PTPRS: variants seen among roughly 807,000 people sequenced by gnomAD.
The protein encoded by PTPRS is protein tyrosine phosphatase receptor type S.
A neutral mutation model predicts 215.3 loss-of-function variants in PTPRS; 63 were observed. The observed-to-expected ratio is 0.29, with a 90% CI of 0.24 to 0.36. The LOEUF (loss-of-function observed/expected upper bound fraction) is 0.36. PTPRS is among the 10% of genes least tolerant of loss of function. The pLI is 1.00. For missense variants in PTPRS, 2,258 were observed against 2,825.8 expected, an observed-to-expected ratio of 0.80 and a Z score of 4.56; for synonymous variants, 1,404 against 1,191.4, an observed-to-expected ratio of 1.18 and a Z score of -3.68.
Position 5,211,716 on chromosome 19 carries a change from G to A in PTPRS, c.5108C>T (p.Pro1703Leu). Residue 1703 changes from proline to leucine, a missense_variant, in exon 33 of 38, where the codon CCT (proline) becomes CTT (leucine). Physicochemically the swap from Pro to Leu is moderately conservative, Grantham distance 98 (BLOSUM62 -3). Coordinates refer to ENST00000262963, the MANE Select transcript of PTPRS (RefSeq NM_002850.4). ...HTSRFISANL[P>L]CNKFKNRLVN... ...CAGGCGGTTCTTGAACTTGTTACAA[G>A]GCAGATTGGCACTGATGAAGCGTGA... The A allele has an allele frequency of 1.9e-6, 3 of 1,614,148 alleles. No individual in the cohort carries two copies. Among genetic ancestry groups the A allele is most frequent in the Non-Finnish European group, 2.5e-6 (3 of 1,180,020 alleles).
intron 9 of PTPRS, among the ~76,000 whole-genome samples, chr19:5,250,003 T>C (rs886697222): frequency 5.9e-5 from 9 of 152,226 alleles, no homozygotes; most frequent in Non-Finnish European, 1.3e-4. Context: ...CTGTTGAATA[T>C]GTAAAAGACT....
At chr19:5,274,071 A>G in intron 3 of PTPRS, 128 bp downstream of exon 3, 1 of 1,331,836 alleles carries the variant, frequency 7.5e-7, no homozygotes, top group Admixed American at 2.4e-5. Flanking sequence ...CTGCGCAGCC[A>G]TGCTTGCTTG....
At position 5,229,268 on chromosome 19, in the gene PTPRS, C is replaced by A. The variant is rs770203843; in HGVS notation, c.2376+48G>T. 11 of 1,364,250 alleles carry A rather than the reference C, an allele frequency of 8.1e-6. No homozygotes were observed. In the African/African-American group the frequency reaches 1.5e-4, roughly 19 times the overall value. The allele number at this position is 1,364,250 out of a possible 1,614,324, so 84.5% of individuals were successfully genotyped here. On this transcript the variant is annotated intron_variant, in intron 16 of 37. Coordinates refer to ENST00000262963, the MANE Select transcript of PTPRS (RefSeq NM_002850.4). ...TGCAGGAGTCACAGCACAGCACGGC[C>A]CGCGGGAAGCGCACAGCAGTAGGTG...
In PTPRS at chr19:5,206,975, C is replaced by A. The variant is rs1011413006; in HGVS notation, c.5779-133G>T. ...TTGCAGAAGGTCTCTTTGGCCCCCACGGCCCTCCCACAATGAAGTGAGCTA... is the reference window on the plus strand; with the variant it reads ...TTGCAGAAGGTCTCTTTGGCCCCCAAGGCCCTCCCACAATGAAGTGAGCTA... On this transcript the variant is annotated intron_variant, in intron 37 of 37. Coordinates refer to ENST00000262963, the MANE Select transcript of PTPRS (RefSeq NM_002850.4). The A allele has an allele frequency of 5.5e-6, 4 of 729,594 alleles. No individual in the cohort carries two copies. In the African/African-American group the frequency reaches 7.1e-5, roughly 13 times the overall value. The allele number at this position is 729,594 out of a possible 1,614,324, so 45.2% of individuals were successfully genotyped here. A position where few individuals can be genotyped will look rare whatever the true frequency, so the allele number is the denominator to read the frequency against.
At chr19:5,228,506 A>G (rs997586349) in intron 16 of PTPRS, among the ~76,000 whole-genome samples, 1 of 151,750 alleles carries the variant, frequency 6.6e-6, no homozygotes, top group Non-Finnish European at 1.5e-5. Flanking sequence ...CCACCACACC[A>G]GGCTGTTTCG....
In PTPRS at chr19:5,244,068, G is replaced by A. The variant is rs2044273491; in HGVS notation, c.1403C>T (p.Pro468Leu). 3.7e-6 allele frequency: 6 copies of A among 1,610,768 alleles called. No individual in the cohort carries two copies. Among genetic ancestry groups the A allele is most frequent in the Non-Finnish European group, 5.1e-6 (6 of 1,179,872 alleles). The change falls in exon 11 of 38, where the codon CCG (proline) becomes CTG (leucine). Residue 468 changes from proline (P) to leucine (L), a missense_variant. Physicochemically the swap from Pro to Leu is moderately conservative, Grantham distance 98 (BLOSUM62 -3). Around this residue, in one of 6 missense-constraint regions of PTPRS, gnomAD observed 508 missense variants for 799.4 expected, o/e 0.64. Coordinates refer to ENST00000262963, the MANE Select transcript of PTPRS (RefSeq NM_002850.4). The surrounding 1 kb of genome is among the most constrained non-coding windows in gnomAD (Gnocchi z 7.2). ...RGYRVYYTMEPEHPVGNWQKH... is the reference protein window; with the variant it reads ...RGYRVYYTMELEHPVGNWQKH... ...CTGCCAGTTGCCCACGGGGTGCTCC[G>A]GTTCCATGGTGTAGTAGACGCGGTA... is the stretch of plus-strand genomic sequence containing the variant.
chr19:5,243,492 T>C (rs2044222368), intron 11 of PTPRS, among the ~76,000 whole-genome samples: 1 of 151,970 alleles, frequency 6.6e-6, no homozygotes, highest in African/African-American at 2.4e-5. Flanking sequence ...TTTTAATTGT[T>C]TTTTTGAGGT....
At chr19:5,212,642 G>A (rs1289471799) in intron 30 of PTPRS, 151 bp from the exon 31 acceptor site, 11 of 817,032 alleles carry the variant, frequency 1.3e-5, no homozygotes, top group South Asian at 5.3e-5. Context: ...TCAGGAGTTC[G>A]AGACCAGCCT....
rs529142195 is a variant in PTPRS, at chr19:5,275,158, C to T, written c.92-814G>A. Reference sequence around the variant, plus strand: ...TGATCTCGGCTCACTGCAACTTCTGCCTCTCAGGTTCAAGCGATTCTCCTG... The same window carrying T: ...TGATCTCGGCTCACTGCAACTTCTGTCTCTCAGGTTCAAGCGATTCTCCTG... On this transcript the variant is annotated intron_variant, in intron 2 of 37. Transcript: ENST00000262963. Among the ~76,000 whole-genome samples the T allele has an allele frequency of 7.6e-4, 115 of 151,024 alleles. 2 individuals are homozygous for T. The South Asian group carries it at 0.015, about 20-fold the overall frequency.
chr19:5,337,514 G>A (rs935959628), intron 1 of PTPRS, among the ~76,000 whole-genome samples: 1 of 152,184 alleles, frequency 6.6e-6, no homozygotes, highest in African/African-American at 2.4e-5. Flanking sequence ...GGAGGTGTGC[G>A]CTGCCCTCAG....
rs1030053885 is a variant in PTPRS, at chr19:5,244,461, G to A, written c.1010C>T (p.Thr337Ile). 1.2e-6 allele frequency: 2 copies of A among 1,613,846 alleles called. No homozygotes were observed. The highest frequency in any genetic ancestry group is 1.3e-5 in the African/African-American group (1 of 74,930). Residue 337 changes from threonine to isoleucine, a missense_variant, in exon 11 of 38, where the codon ACT becomes ATT. Coordinates refer to ENST00000262963, the MANE Select transcript of PTPRS (RefSeq NM_002850.4). This position sits in a 1 kb window ranked among gnomAD's most constrained non-coding sequence, Gnocchi z 7.2. ...GGCTGTGTTCTCAGTCACCATGGGA[G>A]TCCCGGGAGCTTTGGGGAGAGCTGT... ...TVKSLPKAPGTPMVTENTATS... is the reference protein window; with the variant it reads ...TVKSLPKAPGIPMVTENTATS...
intron 13 of PTPRS, among the ~76,000 whole-genome samples, chr19:5,234,482 G>C (rs2043270569): frequency 6.6e-6 from 1 of 152,130 alleles, no homozygotes; most frequent in South Asian, 2.1e-4. Context: ...CTATGCACCT[G>C]GCACCACACT....
chr19:5,231,461 G>C lies in PTPRS; in HGVS notation c.2004C>G (p.Pro668=), dbSNP rs765024282. 1 of 1,612,930 alleles carries C rather than the reference G, an allele frequency of 6.2e-7. No individual in the cohort carries two copies. Among genetic ancestry groups the C allele is most frequent in the Non-Finnish European group, 8.5e-7 (1 of 1,179,888 alleles). The stretch of plus-strand genomic sequence containing the variant: ...TCGGGGGGATGCCGTTCACCTCCTT[G>C]GGTTCCGGGTCCTCTGAGCCCAGCG... ...YRPLGSEDPE[P]KEVNGIPPTT... is the part of the protein sequence containing the mutation. Residue 668 remains proline, a synonymous_variant, in exon 14 of 38, where the codon CCC becomes CCG. Transcript: ENST00000262963.
intron 1 of PTPRS, among the ~76,000 whole-genome samples, chr19:5,333,366 C>A (rs1203553602): frequency 6.6e-6 from 1 of 151,182 alleles, no homozygotes; most frequent in Admixed American, 6.6e-5. Flanking sequence ...GTCAGCTGGG[C>A]GTGCTGGTGG....
intron 9 of PTPRS, among the ~76,000 whole-genome samples, chr19:5,250,262 A>C (rs886477995): frequency 1.3e-5 from 2 of 152,182 alleles, no homozygotes; most frequent in Non-Finnish European, 2.9e-5. Context: ...GATCATGCCC[A>C]TTGGCACTAG....
chr19:5,260,701 G>A (rs1206258979), intron 7 of PTPRS, 104 bp downstream of exon 7: 1 of 1,403,116 alleles, frequency 7.1e-7, no homozygotes, highest in Non-Finnish European at 1.0e-6. Flanking sequence ...TGGCAGGGTG[G>A]ACACGCATGG....
At chr19:5,288,941 G>C (rs1458320356) in intron 1 of PTPRS, among the ~76,000 whole-genome samples, 1 of 152,232 alleles carries the variant, frequency 6.6e-6, no homozygotes, top group East Asian at 1.9e-4. Flanking sequence ...AGACAGGCAG[G>C]GCCTGGCCAT....
intron 1 of PTPRS, among the ~76,000 whole-genome samples, chr19:5,324,449 G>T (rs1445108432): frequency 6.6e-6 from 1 of 152,146 alleles, no homozygotes. Context: ...TTTGTGTATG[G>T]AAGGGGACAC....
chr19:5,291,490 C>G (rs1208552943), intron 1 of PTPRS, among the ~76,000 whole-genome samples: 1 of 152,104 alleles, frequency 6.6e-6, no homozygotes, highest in African/African-American at 2.4e-5. Context: ...ACGCCAAGAT[C>G]TGGGGGTACC....
Sources: allele counts gnomAD v4.1 joint callset (sites outside exome capture counted in the v4.1 genomes callset), GRCh38; gene constraint gnomAD v4.1.1; regional missense constraint gnomAD v4.1.1; non-coding constraint Gnocchi (gnomAD v3.1); transcripts MANE v1.5; gene names NCBI Gene and HGNC (gene_info 2026-07-23, HGNC 2026-07-21).